The following RBFOX3 variants were observed in gnomAD, a reference collection of about 807,000 sequenced individuals.
RBFOX3 encodes the protein RNA binding protein fox-1 homolog 3.
Under a neutral mutation model 48.7 loss-of-function variants are expected in RBFOX3, and 17 were observed. The observed-to-expected ratio is 0.35, with a 90% confidence interval of 0.24 to 0.52. The LOEUF is 0.52. Ranked by LOEUF, RBFOX3 falls within the 20% of genes least tolerant of loss-of-function variation. RBFOX3 has a pLI of 0.94. For synonymous variants in RBFOX3, 212 were observed against 209.5 expected (o/e 1.01, Z -0.10); for missense variants, 382 against 497.5 (o/e 0.77, Z 2.21).
the RBFOX3 span, among the ~76,000 whole-genome samples, chr17:79,621,703 G>A: frequency 3.9e-5 from 6 of 152,142 alleles, no homozygotes; most frequent in African/African-American, 7.2e-5. Context: ...ATGTTCATGC[G>A]TGCCTGCAGG....
At chr17:79,332,523 T>C (rs371393040) in intron 2 of RBFOX3, among the ~76,000 whole-genome samples, 131 of 128,980 alleles carry the variant, frequency 1.0e-3, no homozygotes, top group African/African-American at 3.5e-3. Context: ...AGCACATGAG[T>C]GAGGGGCAGC....
intron 3 of RBFOX3, among the ~76,000 whole-genome samples, chr17:79,247,200 A>AG (rs908225661): frequency 9.9e-4 from 150 of 152,130 alleles, no homozygotes; most frequent in Admixed American, 9.8e-3. Context: ...AGCCAGCCGG[A>AG]GGTCCTAAAA....
rs1415421954 is a variant in RBFOX3, at chr17:79,441,383, A to C, written c.-175+41071T>G. Among the ~76,000 whole-genome samples, 4 of 152,204 alleles carry C rather than the reference A, an allele frequency of 2.6e-5. No homozygotes were observed. In the East Asian group the frequency reaches 7.7e-4, roughly 29 times the overall value. On this transcript the variant is annotated intron_variant, in intron 2 of 14. Transcript: ENST00000693108. Reference sequence around the variant, plus strand: ...GTCTTTGCAGATGGAAGTAAGGTGCAGATAGAGATGAGGCCATCCTGGATT... The same window carrying C: ...GTCTTTGCAGATGGAAGTAAGGTGCCGATAGAGATGAGGCCATCCTGGATT...
chr17:79,225,814 G>T (rs1311920517), intron 4 of RBFOX3, among the ~76,000 whole-genome samples: 1 of 152,234 alleles, frequency 6.6e-6, no homozygotes, highest in Non-Finnish European at 1.5e-5. Context: ...CAGGGACCCA[G>T]CTTTGAACCA....
intron 2 of RBFOX3, among the ~76,000 whole-genome samples, chr17:79,348,178 G>A (rs760166554): frequency 2.0e-5 from 3 of 152,342 alleles, no homozygotes; most frequent in Admixed American, 6.5e-5. Flanking sequence ...GGAAGTGACT[G>A]CTGGGGTCAG....
intron 2 of RBFOX3, among the ~76,000 whole-genome samples, chr17:79,353,174 C>A (rs1460452804): frequency 6.6e-6 from 1 of 152,230 alleles, no homozygotes; most frequent in Non-Finnish European, 1.5e-5. Context: ...AACAGCACAT[C>A]AGGGAGCTGC....
chr17:79,524,815 G>A (rs933990521), intron 1 of RBFOX3, among the ~76,000 whole-genome samples: 12 of 152,266 alleles, frequency 7.9e-5, no homozygotes, highest in South Asian at 2.1e-4. Context: ...GGTTCAAGCC[G>A]AATGAATATG....
intron 2 of RBFOX3, among the ~76,000 whole-genome samples, chr17:79,380,707 G>A (rs1336128285): frequency 1.3e-5 from 2 of 152,190 alleles, no homozygotes; most frequent in African/African-American, 4.8e-5. Flanking sequence ...TGCATTTGGT[G>A]AGCAATGGAT....
the RBFOX3 span, among the ~76,000 whole-genome samples, chr17:79,637,235 G>A: frequency 5.9e-4 from 90 of 152,182 alleles, 1 homozygote; most frequent in African/African-American, 2.1e-3. Context: ...TCTCTATAGT[G>A]GACAGATGAT....
At chr17:79,202,552 G>A (rs923533374) in intron 4 of RBFOX3, among the ~76,000 whole-genome samples, 3 of 152,214 alleles carry the variant, frequency 2.0e-5, no homozygotes, top group Admixed American at 6.5e-5. Context: ...GGACGGTTAT[G>A]ACTATGTCAG....
At chr17:79,568,386 T>C (rs1032933248) in intron 1 of RBFOX3, among the ~76,000 whole-genome samples, 8 of 152,158 alleles carry the variant, frequency 5.3e-5, no homozygotes, top group South Asian at 2.1e-4. Flanking sequence ...TCAAAGCAAA[T>C]GCTCACTGGA....
intron 1 of RBFOX3, among the ~76,000 whole-genome samples, chr17:79,580,657 G>T (rs2093029541): frequency 2.0e-5 from 3 of 152,100 alleles, no homozygotes; most frequent in African/African-American, 7.2e-5. Context: ...TTTTGCTCAT[G>T]CTATGTTCCT....
At chr17:79,317,116 C>T (rs1040334254) in intron 2 of RBFOX3, among the ~76,000 whole-genome samples, 1 of 152,254 alleles carries the variant, frequency 6.6e-6, no homozygotes, top group East Asian at 1.9e-4. Context: ...AACACTCCTC[C>T]CATCTCCCCC....
intron 2 of RBFOX3, among the ~76,000 whole-genome samples, chr17:79,406,137 C>T (rs1466965783): frequency 6.6e-6 from 1 of 152,230 alleles, no homozygotes; most frequent in Admixed American, 6.5e-5. Context: ...GTGAACAGAG[C>T]TGTTGGGAAC....
chr17:79,379,054 G>A (rs56384596), intron 2 of RBFOX3, among the ~76,000 whole-genome samples: 58,731 of 151,974 alleles, frequency 0.39, 12,460 homozygotes, highest in East Asian at 0.63. Context: ...TCTCAACTGG[G>A]GAAGCTGTCA....
intron 4 of RBFOX3, among the ~76,000 whole-genome samples, chr17:79,213,284 C>G (rs2058613058): frequency 6.6e-6 from 1 of 152,224 alleles, no homozygotes; most frequent in Non-Finnish European, 1.5e-5. Context: ...CCTCGCCTCC[C>G]TGCCCTGCAC....
At chr17:79,229,172 T>C (rs1199106556) in intron 4 of RBFOX3, among the ~76,000 whole-genome samples, 1 of 130,220 alleles carries the variant, frequency 7.7e-6, no homozygotes, top group Non-Finnish European at 1.5e-5. Context: ...GAGGTTGCAG[T>C]GAGCCGAGAC....
At chr17:79,240,801 C>CT (rs1264114959) in intron 3 of RBFOX3, among the ~76,000 whole-genome samples, 1 of 152,056 alleles carries the variant, frequency 6.6e-6, no homozygotes, top group East Asian at 1.9e-4. Context: ...GTAGCTGGGA[C>CT]TACAGGCACC....
intron 3 of RBFOX3, among the ~76,000 whole-genome samples, chr17:79,263,103 G>T (rs184585529): frequency 3.9e-5 from 6 of 152,352 alleles, no homozygotes; most frequent in Admixed American, 1.3e-4. Flanking sequence ...CAGGCCTAGC[G>T]TGCCCCTCCA....
Sources: gnomAD v4.1 joint callset for allele counts (sites outside exome capture counted in the v4.1 genomes callset) on GRCh38, gnomAD v4.1.1 for gene constraint, MANE v1.5 for transcripts, NCBI Gene and HGNC (gene_info 2026-07-23, HGNC 2026-07-21) for gene names.